PLA2G12A: variants seen among roughly 807,000 people sequenced by gnomAD.
The protein encoded by PLA2G12A is group XIIA secretory phospholipase A2.
Under a neutral mutation model 16.0 loss-of-function variants are expected in PLA2G12A, and 11 were observed. The ratio of observed to expected loss-of-function variants is 0.69; its 90% CI spans 0.43 to 1.13. The LOEUF is 1.13. Ranked by LOEUF, PLA2G12A falls within the 50% of genes most tolerant of loss-of-function variation. The pLI, the probability that PLA2G12A is intolerant of heterozygous loss-of-function variation, is 0.00. For synonymous variants in PLA2G12A, 77 were observed against 93.8 expected, an observed-to-expected ratio of 0.82 and a Z score of 1.03; for missense variants, 214 against 237.3, an observed-to-expected ratio of 0.90 and a Z score of 0.65.
At position 109,711,375 on chromosome 4, in the gene PLA2G12A, G is replaced by A. The variant is rs1730726455; in HGVS notation, c.*3002C>T. 6.6e-6 allele frequency: 1 copy of A among 152,154 alleles called. No homozygotes were observed. The highest frequency in any genetic ancestry group is 1.5e-5 in the Non-Finnish European group (1 of 68,020). The allele number at this position is 152,154 out of a possible 1,614,324, so 9.4% of individuals were successfully genotyped here. ...GGAACCAGGGCTCTTTGGAGCAGGG[G>A]TTGATTCTAGGGATTCTAGGGTTGG... On this transcript the variant is annotated 3_prime_UTR_variant, in exon 4 of 4. Transcript: ENST00000243501.
intron 1 of PLA2G12A, among the ~76,000 whole-genome samples, chr4:109,720,588 AAAAAAAAAAAAAAAAAATATATATAT>A (rs1478755341): frequency 0.18 from 11,969 of 64,734 alleles, 744 homozygotes; most frequent in South Asian, 0.29. Flanking sequence ...AAAAAAAAAA[AAAAAAAAAAAAAAAAAATATATATAT>A]ATATATATAT....
At chr4:109,721,319 C>CTTTTTT (rs531961276) in intron 1 of PLA2G12A, among the ~76,000 whole-genome samples, 1 of 136,608 alleles carries the variant, frequency 7.3e-6, no homozygotes. Context: ...GTCCTTCATT[C>CTTTTTT]TTTTTTTTTT....
chr4:109,729,442 C>T (rs1011145911), intron 1 of PLA2G12A, among the ~76,000 whole-genome samples, 160 bp downstream of exon 1: 5 of 152,154 alleles, frequency 3.3e-5, no homozygotes, highest in African/African-American at 4.8e-5. Flanking sequence ...CCAGCTTGCT[C>T]AATCACTAGA....
In PLA2G12A at chr4:109,712,020, G is replaced by A. The variant is rs955778217; in HGVS notation, c.*2357C>T. ...TACTCCTCAAAACTGTCAAGGTTATGAAAAAGAAAGACTGTGGAACTATCA... is the reference window on the plus strand; with the variant it reads ...TACTCCTCAAAACTGTCAAGGTTATAAAAAAGAAAGACTGTGGAACTATCA... On this transcript the variant is annotated 3_prime_UTR_variant, in exon 4 of 4. Coordinates refer to ENST00000243501, the MANE Select transcript of PLA2G12A (RefSeq NM_030821.5). 2.6e-5 allele frequency: 4 copies of A among 152,252 alleles called. No individual in the cohort carries two copies. The highest frequency in any genetic ancestry group is 4.8e-5 in the African/African-American group (2 of 41,434). The allele number at this position is 152,252 out of a possible 1,614,324, so 9.4% of individuals were successfully genotyped here. A position where few individuals can be genotyped will look rare whatever the true frequency, so the allele number is the denominator to read the frequency against.
rs1248102952 is a variant in PLA2G12A at position 109,710,929 on chromosome 4, A to T, written c.*3448T>A. ...CTCCATCTATGAAATAAATACAGCC[A>T]TATCTGTCCCTGGAAGAACTATGTC... On this transcript the variant is annotated 3_prime_UTR_variant, in exon 4 of 4. Transcript: ENST00000243501. 1 of 152,154 alleles carries T rather than the reference A, an allele frequency of 6.6e-6. No individual in the cohort carries two copies. Among genetic ancestry groups the T allele is most frequent in the African/African-American group, 2.4e-5 (1 of 41,436 alleles). 9.4% of individuals were successfully genotyped at this position (152,154 alleles called of 1,614,324 possible).
At chr4:109,721,140 G>A (rs1003507031) in intron 1 of PLA2G12A, among the ~76,000 whole-genome samples, 1 of 152,080 alleles carries the variant, frequency 6.6e-6, no homozygotes, top group African/African-American at 2.4e-5. Context: ...AAAAAGGAAT[G>A]GTTAAGATGA....
In PLA2G12A at chr4:109,711,989, G is replaced by A. The variant is rs1374620070; in HGVS notation, c.*2388C>T. Reference sequence around the variant, plus strand: ...TTGAGGAATATTCTACAAAACACCTGACCAGTACTCCTCAAAACTGTCAAG... The same window carrying A: ...TTGAGGAATATTCTACAAAACACCTAACCAGTACTCCTCAAAACTGTCAAG... On this transcript the variant is annotated 3_prime_UTR_variant, in exon 4 of 4. Transcript: ENST00000243501. 1 of 152,364 alleles carries A rather than the reference G, an allele frequency of 6.6e-6. No homozygotes were observed. Among genetic ancestry groups the A allele is most frequent in the Non-Finnish European group, 1.5e-5 (1 of 68,012 alleles). The allele number at this position is 152,364 out of a possible 1,614,324, so 9.4% of individuals were successfully genotyped here.
chr4:109,723,308 A>G (rs942294116), intron 1 of PLA2G12A, among the ~76,000 whole-genome samples: 2 of 152,190 alleles, frequency 1.3e-5, no homozygotes, highest in African/African-American at 2.4e-5. Flanking sequence ...GAGTCTAAAT[A>G]TAAGATTGTA....
chr4:109,714,257 TTTAAG>T lies in PLA2G12A; in HGVS notation c.*115_*119del, dbSNP rs199818158. On this transcript the variant is annotated 3_prime_UTR_variant, in exon 4 of 4. Coordinates refer to ENST00000243501, the MANE Select transcript of PLA2G12A (RefSeq NM_030821.5). ...GTTTTAACATCAAGATATAAATTATTTTAAGGTCTCAAAATAATCCTTTCACAAAA... is the reference window on the plus strand; with the variant it reads ...GTTTTAACATCAAGATATAAATTATTGTCTCAAAATAATCCTTTCACAAAA... The T allele has an allele frequency of 0.014, 11,264 of 777,958 alleles. 120 individuals are homozygous for T. Among genetic ancestry groups the T allele is most frequent in the South Asian group, 0.023 (1,440 of 62,082 alleles). The allele number at this position is 777,958 out of a possible 1,614,324, so 48.2% of individuals were successfully genotyped here.
intron 3 of PLA2G12A, 73 bp from the exon 4 acceptor site, chr4:109,714,568 A>G (rs547271242): frequency 1.0e-6 from 1 of 972,328 alleles, no homozygotes; most frequent in Admixed American, 1.7e-5. Flanking sequence ...ACATTACAGC[A>G]CAGCAACAAG....
Position 109,710,382 on chromosome 4 carries a change from C to T in PLA2G12A, c.*3995G>A, listed in dbSNP as rs987341403. 6.6e-6 allele frequency: 1 copy of T among 152,202 alleles called. No individual in the cohort carries two copies. The highest frequency in any genetic ancestry group is 1.5e-5 in the Non-Finnish European group (1 of 68,028). The allele number at this position is 152,202 out of a possible 1,614,324, so 9.4% of individuals were successfully genotyped here. Reference sequence around the variant, plus strand: ...AAAATAATGAGCATTGTGCATCGCACCTTCTGATAATCTCATACTTCTATA... The same window carrying T: ...AAAATAATGAGCATTGTGCATCGCATCTTCTGATAATCTCATACTTCTATA... On this transcript the variant is annotated 3_prime_UTR_variant, in exon 4 of 4. Transcript: ENST00000243501.
Position 109,729,184 on chromosome 4 carries a change from A to C in PLA2G12A, c.208+418T>G, listed in dbSNP as rs11737069. Among the ~76,000 whole-genome samples the C allele has an allele frequency of 9.0e-3, 1,373 of 152,282 alleles. 14 individuals carry two copies. The highest frequency in any genetic ancestry group is 0.015 in the Non-Finnish European group (999 of 68,036). ...TTTAATATCAATTATAGAGAAAGTT[A>C]ATACGGCATGGTTTTTAAATTCTCA... is the stretch of plus-strand genomic sequence containing the variant. On this transcript the variant is annotated intron_variant, in intron 1 of 3. Transcript: ENST00000243501.
In PLA2G12A at chr4:109,715,960, C is replaced by T. The variant is rs1375058611; in HGVS notation, c.452-1465G>A. Among the ~76,000 whole-genome samples, 3 of 152,122 alleles carry T rather than the reference C, an allele frequency of 2.0e-5. No homozygotes were observed. In the East Asian group the frequency reaches 5.8e-4, roughly 29 times the overall value. ...CAAAATATTCATGTTAAGGAAGAAA[C>T]TTGTCATTACAAAATCTTAACATTT... On this transcript the variant is annotated intron_variant, in intron 3 of 3. Transcript: ENST00000243501.
Position 109,710,209 on chromosome 4 carries a change from G to A in PLA2G12A, c.*4168C>T, listed in dbSNP as rs1473085897. 1.3e-5 allele frequency: 2 copies of A among 152,164 alleles called. No homozygotes were observed. The highest frequency in any genetic ancestry group is 3.8e-4 in the East Asian group (2 of 5,200). The allele number at this position is 152,164 out of a possible 1,614,324, so 9.4% of individuals were successfully genotyped here. A position where few individuals can be genotyped will look rare whatever the true frequency, so the allele number is the denominator to read the frequency against. ...TTCTATGAATTTTGAACAATACAAT[G>A]TAGTGTATGTGGAAAGATCTTGCCT... On this transcript the variant is annotated 3_prime_UTR_variant, in exon 4 of 4. Transcript: ENST00000243501.
chr4:109,726,236 A>G (rs1722935903), intron 1 of PLA2G12A, among the ~76,000 whole-genome samples: 1 of 151,944 alleles, frequency 6.6e-6, no homozygotes, highest in Admixed American at 6.6e-5. Flanking sequence ...CAGTATTTCT[A>G]CTCTCCACTG....
intron 3 of PLA2G12A, among the ~76,000 whole-genome samples, chr4:109,717,281 T>G (rs1730845036): frequency 6.6e-6 from 1 of 152,140 alleles, no homozygotes; most frequent in South Asian, 2.1e-4. Flanking sequence ...GGAGATATAT[T>G]TTAGGGCACA....
intron 1 of PLA2G12A, among the ~76,000 whole-genome samples, chr4:109,721,694 G>A (rs1396574607): frequency 6.6e-6 from 1 of 152,110 alleles, no homozygotes; most frequent in Admixed American, 6.5e-5. Context: ...AAGGTCCAGT[G>A]GGCATCTCAA....
chr4:109,718,658 T>G (rs1288079280), intron 2 of PLA2G12A, 25 bp downstream of exon 2: 1 of 1,522,196 alleles, frequency 6.6e-7, no homozygotes, highest in Non-Finnish European at 9.0e-7. Flanking sequence ...GTTACAAAAC[T>G]TATCAAATAA....
rs527240915 is a variant in PLA2G12A, at chr4:109,729,063, GAA to G, written c.208+537_208+538del. On this transcript the variant is annotated intron_variant, in intron 1 of 3. Coordinates refer to ENST00000243501, the MANE Select transcript of PLA2G12A (RefSeq NM_030821.5). ...GGCGGGTCACTGATATCTAAGGAAAGAAGAGTTATCGGAACCCTTTCTCAACA... is the reference window on the plus strand; with the variant it reads ...GGCGGGTCACTGATATCTAAGGAAAGGAGTTATCGGAACCCTTTCTCAACA... Among the ~76,000 whole-genome samples, 337 of 152,258 alleles carry G rather than the reference GAA, an allele frequency of 2.2e-3. 2 individuals carry two copies. The highest frequency in any genetic ancestry group is 7.9e-3 in the African/African-American group (328 of 41,556).
Sources: allele counts gnomAD v4.1 joint callset (sites outside exome capture counted in the v4.1 genomes callset), GRCh38; gene constraint gnomAD v4.1.1; transcripts MANE v1.5; gene names NCBI Gene and HGNC (gene_info 2026-07-23, HGNC 2026-07-21).